Variants in C2CD3 observed in about 807,000 individuals in gnomAD.
The protein encoded by C2CD3 is C2 domain containing 3 centriole elongation regulator.
C2CD3 carries 148 observed loss-of-function variants against 234.0 expected under a neutral mutation model. The ratio of observed to expected loss-of-function variants is 0.63; its 90% CI spans 0.55 to 0.72. The LOEUF is 0.72. C2CD3 is among the 30% of genes least tolerant of loss of function. The pLI is 0.00. For missense variants in C2CD3, 2,577 were observed against 2,811.5 expected (o/e 0.92, Z 1.89); for synonymous variants, 1,000 against 1,035.4 (o/e 0.97, Z 0.66).
intron 28 of C2CD3, among the ~76,000 whole-genome samples, chr11:74,044,273 T>C (rs1953239292): frequency 6.6e-6 from 1 of 152,036 alleles, no homozygotes; most frequent in Non-Finnish European, 1.5e-5. Context: ...GTGACCAATA[T>C]GGTGAAACCC....
Position 74,049,349 on chromosome 11 carries a change from G to A in C2CD3, c.5349C>T (p.Thr1783=), listed in dbSNP as rs201660880. ...TCTCCATACATACCAGTGATTTTGA[G>A]GTCTCCACTCCACGCCTTGCTTGCC... ...EERQARRGVE[T]SKSLIPIYSP... The change falls in exon 27 of 33, where the codon ACC becomes ACT. Residue 1783 remains threonine (T), a synonymous_variant. Coordinates refer to ENST00000334126, the MANE Select transcript of C2CD3 (RefSeq NM_001286577.2). 1.9e-6 allele frequency: 3 copies of A among 1,613,858 alleles called. No homozygotes were observed. Among genetic ancestry groups the A allele is most frequent in the African/African-American group, 2.7e-5 (2 of 75,034 alleles).
At chr11:74,053,460 T>G (rs900550220) in intron 26 of C2CD3, among the ~76,000 whole-genome samples, 1 of 152,224 alleles carries the variant, frequency 6.6e-6, no homozygotes, top group Non-Finnish European at 1.5e-5. Context: ...GAATTGGCAT[T>G]TGAACCCAAA....
chr11:74,137,906 G>A (rs1957922613), intron 5 of C2CD3, among the ~76,000 whole-genome samples: 1 of 152,084 alleles, frequency 6.6e-6, no homozygotes, highest in African/African-American at 2.4e-5. Context: ...TTAAAGTAGG[G>A]AATCTAAGAC....
At chr11:74,018,592 C>CA (rs983316235) in intron 32 of C2CD3, among the ~76,000 whole-genome samples, 1 of 152,180 alleles carries the variant, frequency 6.6e-6, no homozygotes, top group Non-Finnish European at 1.5e-5. Context: ...AGTGAGGGCT[C>CA]AATATAGCTG....
intron 9 of C2CD3, among the ~76,000 whole-genome samples, chr11:74,115,191 T>A (rs1413381880): frequency 6.6e-6 from 1 of 151,574 alleles, no homozygotes; most frequent in Non-Finnish European, 1.5e-5. Context: ...TATATAGATA[T>A]ATACACACAC....
chr11:74,085,431 T>G (rs1201501332), intron 21 of C2CD3, 187 bp downstream of exon 21: 1 of 597,722 alleles, frequency 1.7e-6, no homozygotes, highest in African/African-American at 1.8e-5. Flanking sequence ...TTTATTTCTC[T>G]CTACACTATC....
intron 24 of C2CD3, among the ~76,000 whole-genome samples, chr11:74,071,259 T>C (rs1303256186): frequency 6.6e-6 from 1 of 152,218 alleles, no homozygotes; most frequent in Non-Finnish European, 1.5e-5. Context: ...TGTAAATCAC[T>C]TGTTATTTAG....
intron 11 of C2CD3, 61 bp downstream of exon 11, chr11:74,113,719 A>T: frequency 1.1e-6 from 1 of 944,726 alleles, no homozygotes; most frequent in Non-Finnish European, 1.7e-6. Flanking sequence ...AGTAATTAGG[A>T]ATTCAAAAAT....
intron 8 of C2CD3, among the ~76,000 whole-genome samples, chr11:74,121,509 A>G (rs1957213709): frequency 6.8e-6 from 1 of 148,106 alleles, no homozygotes; most frequent in African/African-American, 2.5e-5. Context: ...CGGGAGGCTG[A>G]GGCAAGAGAA....
chr11:74,017,797 TC>T (rs11313481), intron 32 of C2CD3, among the ~76,000 whole-genome samples: 3,877 of 152,274 alleles, frequency 0.025, 154 homozygotes, highest in African/African-American at 0.087. Context: ...AAAAGCTCTC[TC>T]AGGAGGGCCT....
At chr11:74,034,310 A>G (rs1952634402) in intron 30 of C2CD3, 32 bp from the exon 31 acceptor site, 1 of 1,515,270 alleles carries the variant, frequency 6.6e-7, no homozygotes, top group Admixed American at 2.0e-5. Context: ...TCTTATTACA[A>G]GGTAGGGCCA....
At chr11:74,053,365 A>G (rs1953789446) in intron 26 of C2CD3, among the ~76,000 whole-genome samples, 1 of 152,250 alleles carries the variant, frequency 6.6e-6, no homozygotes. Context: ...TGAAGTAGGT[A>G]CTATTATTAG....
intron 11 of C2CD3, 43 bp from the exon 12 acceptor site, chr11:74,109,195 C>T: frequency 3.0e-6 from 3 of 1,000,330 alleles, no homozygotes; most frequent in Middle Eastern, 2.1e-4. Context: ...CACCACCCAA[C>T]TGAAGTCATC....
intron 12 of C2CD3, among the ~76,000 whole-genome samples, chr11:74,108,764 A>G (rs906549243): frequency 1.3e-5 from 2 of 152,138 alleles, no homozygotes; most frequent in Non-Finnish European, 2.9e-5. Flanking sequence ...TAAAACAAAT[A>G]TAATAATGTA....
At chr11:74,117,716 C>T (rs896645739) in intron 9 of C2CD3, among the ~76,000 whole-genome samples, 1 of 151,908 alleles carries the variant, frequency 6.6e-6, no homozygotes, top group African/African-American at 2.4e-5. Context: ...GAGTTCAAGA[C>T]CAACCTGACC....
At chr11:74,051,788 G>A (rs549402321) in intron 26 of C2CD3, among the ~76,000 whole-genome samples, 11 of 152,074 alleles carry the variant, frequency 7.2e-5, no homozygotes, top group Non-Finnish European at 1.3e-4. Flanking sequence ...GTCCCACACT[G>A]ACTGTAAGCT....
chr11:74,070,846 C>A (rs1007377584), intron 24 of C2CD3: 8 of 152,144 alleles, frequency 5.3e-5, no homozygotes, highest in Admixed American at 5.2e-4. Flanking sequence ...TCTCATACTA[C>A]CAAGCTTTTG....
Position 74,138,843 on chromosome 11 carries a change from G to A in C2CD3, c.832C>T (p.Arg278Trp), listed in dbSNP as rs141252362. The A allele has an allele frequency of 7.8e-5, 126 of 1,613,920 alleles. No individual in the cohort carries two copies. The African/African-American group carries it at 1.3e-3, about 16-fold the overall frequency. ...CTGTTCAGAAGGGACATCTGCTTCCGTGGAGCTCTGCCTTTCAGAGTTACA... is the reference window on the plus strand; with the variant it reads ...CTGTTCAGAAGGGACATCTGCTTCCATGGAGCTCTGCCTTTCAGAGTTACA... ...ESVTLKGRAP[R>W]KQMSLLNSSE... Residue 278 changes from arginine to tryptophan, a missense_variant, in exon 5 of 33, where the codon CGG becomes TGG. Coordinates refer to ENST00000334126, the MANE Select transcript of C2CD3 (RefSeq NM_001286577.2).
Position 74,048,250 on chromosome 11 carries a change from A to G in C2CD3, c.5450T>C (p.Leu1817Pro). 6.2e-7 allele frequency: 1 copy of G among 1,613,706 alleles called. No homozygotes were observed. The highest frequency in any genetic ancestry group is 8.5e-7 in the Non-Finnish European group (1 of 1,179,786). ...SHMARQTLDQ[L>P]AHASSKELDF... ...AAGCTCCTTTGAGGAGGCATGAGCA[A>G]GTTGGTCTAGGGTCTGCCTTGCCAT... Residue 1817 changes from leucine (L) to proline (P), a missense_variant, in exon 28 of 33, where the codon CTT becomes CCT. Physicochemically the swap from Leu to Pro is moderately conservative, Grantham distance 98. Transcript: ENST00000334126.
Sources: allele counts gnomAD v4.1 joint callset (sites outside exome capture counted in the v4.1 genomes callset), GRCh38; gene constraint gnomAD v4.1.1; transcripts MANE v1.5; gene names NCBI Gene and HGNC (gene_info 2026-07-23, HGNC 2026-07-21).